The following KREMEN1 variants were observed in gnomAD, a reference collection of about 807,000 sequenced individuals.
KREMEN1 encodes kremen protein 1.
KREMEN1 carries 30 observed loss-of-function variants against 46.5 expected under a neutral mutation model. The ratio of observed to expected loss-of-function variants is 0.65; its 90% CI spans 0.48 to 0.88. KREMEN1 has a LOEUF of 0.88. KREMEN1 is among the 40% of genes least tolerant of loss of function. The pLI is 0.00. For synonymous variants in KREMEN1, 214 were observed against 230.6 expected, an observed-to-expected ratio of 0.93 and a Z score of 0.65; for missense variants, 533 against 596.9, an observed-to-expected ratio of 0.89 and a Z score of 1.11.
At chr22:29,095,303 C>T (rs1298713943) in intron 2 of KREMEN1, among the ~76,000 whole-genome samples, 2 of 152,210 alleles carry the variant, frequency 1.3e-5, no homozygotes, top group East Asian at 1.9e-4. Flanking sequence ...AACCTGACAT[C>T]TATGGTGCTT....
In KREMEN1 at chr22:29,137,546, G is replaced by A. The variant is rs771289868; in HGVS notation, c.836G>A (p.Arg279His). The change falls in exon 6 of 9, where the codon CGT (arginine) becomes CAT (histidine). Residue 279 changes from arginine to histidine, a missense_variant. Coordinates refer to ENST00000400335, the MANE Select transcript of KREMEN1 (RefSeq NM_001039570.3). The stretch of plus-strand genomic sequence containing the variant: ...GAGCTTCTGGATGGCTACACCCACC[G>A]TGTCCTAGCCCGCTTCCACGGGAGG... ...MVELLDGYTH[R>H]VLARFHGRSR... 5.0e-6 allele frequency: 8 copies of A among 1,613,428 alleles called. No homozygotes were observed. In the African/African-American group the frequency reaches 5.3e-5, roughly 11 times the overall value.
At chr22:29,131,078 T>C (rs1177427470) in intron 5 of KREMEN1, among the ~76,000 whole-genome samples, 1 of 152,152 alleles carries the variant, frequency 6.6e-6, no homozygotes, top group African/African-American at 2.4e-5. Context: ...ATGGTAAAAA[T>C]AGAATACCCA....
chr22:29,156,764 G>T (rs530218612), intron 9 of KREMEN1, among the ~76,000 whole-genome samples: 1 of 152,338 alleles, frequency 6.6e-6, no homozygotes, highest in Admixed American at 6.5e-5. Flanking sequence ...TGAGGGGCAG[G>T]CACTCGGTCA....
At chr22:29,129,820 C>G (rs545411239) in intron 5 of KREMEN1, among the ~76,000 whole-genome samples, 1 of 149,622 alleles carries the variant, frequency 6.7e-6, no homozygotes, top group East Asian at 1.9e-4. Flanking sequence ...TTTCAGCAAG[C>G]TCATGGACTT....
chr22:29,090,726 G>A (rs2037791867), intron 1 of KREMEN1, among the ~76,000 whole-genome samples: 2 of 152,188 alleles, frequency 1.3e-5, no homozygotes, highest in Non-Finnish European at 2.9e-5. Flanking sequence ...AAATCAAGAT[G>A]CGCTAGATGA....
chr22:29,136,423 AAGTT>A (rs2038658322), intron 5 of KREMEN1, among the ~76,000 whole-genome samples: 1 of 151,814 alleles, frequency 6.6e-6, no homozygotes, highest in African/African-American at 2.4e-5. Context: ...AATACAAAAA[AAGTT>A]AGCCAGCCTG....
At chr22:29,099,123 A>G (rs144773596) in intron 3 of KREMEN1, 170 bp downstream of exon 3, 19 of 581,228 alleles carry the variant, frequency 3.3e-5, no homozygotes, top group Non-Finnish European at 5.5e-5. Flanking sequence ...GAGGCTTTTC[A>G]GGAATAGGAA....
intron 5 of KREMEN1, among the ~76,000 whole-genome samples, chr22:29,127,807 A>G (rs865880506): frequency 1.9e-4 from 29 of 152,354 alleles, no homozygotes; most frequent in African/African-American, 5.8e-4. Flanking sequence ...AACATTATTC[A>G]TAATAGCCAA....
intron 1 of KREMEN1, among the ~76,000 whole-genome samples, chr22:29,077,023 C>T (rs985796472): frequency 1.3e-5 from 2 of 152,058 alleles, no homozygotes; most frequent in Non-Finnish European, 2.9e-5. Context: ...CATAGTTAGA[C>T]CAAAAGCAAT....
In KREMEN1 at chr22:29,131,652, A is replaced by G. The variant is rs893365712; in HGVS notation, c.632-5690A>G. Among the ~76,000 whole-genome samples the G allele has an allele frequency of 6.9e-5, 6 of 86,432 alleles. No homozygotes were observed. In the East Asian group the frequency reaches 7.9e-4, roughly 11 times the overall value. The allele number at this position is 86,432 out of a possible 152,430, so 56.7% of individuals were successfully genotyped here. On this transcript the variant is annotated intron_variant, in intron 5 of 8. Coordinates refer to ENST00000400335, the MANE Select transcript of KREMEN1 (RefSeq NM_001039570.3). ...TATGTATATATATGTGTGTATATATATGTATATATATACATGTATATATAT... is the reference window on the plus strand; with the variant it reads ...TATGTATATATATGTGTGTATATATGTGTATATATATACATGTATATATAT...
chr22:29,094,572 T>TACACACACACACACACACACAC (rs134658), intron 2 of KREMEN1, 152 bp downstream of exon 2: 6 of 253,940 alleles, frequency 2.4e-5, no homozygotes, highest in African/African-American at 1.6e-4. Flanking sequence ...TTTCACACCT[T>TACACACACACACACACACACAC]ACACACACAC....
Position 29,121,489 on chromosome 22 carries a change from C to A in KREMEN1, c.477+8C>A. ...CGGAGTCAGAGGTTCAAGGTGATGA[C>A]TCTGTGGCTGTGTAACTATAGAAAA... On this transcript the variant is annotated splice_region_variant and intron_variant, in intron 4 of 8. Transcript: ENST00000400335. 1 of 1,612,586 alleles carries A rather than the reference C, an allele frequency of 6.2e-7. No homozygotes were observed.
chr22:29,092,172 G>A (rs977164184), intron 1 of KREMEN1, among the ~76,000 whole-genome samples: 16 of 152,338 alleles, frequency 1.1e-4, no homozygotes, highest in African/African-American at 3.8e-4. Flanking sequence ...TGGCATCAAA[G>A]ATGGAGAGAA....
At chr22:29,125,029 AAC>A (rs1222358578) in intron 4 of KREMEN1, among the ~76,000 whole-genome samples, 2 of 152,182 alleles carry the variant, frequency 1.3e-5, no homozygotes, top group African/African-American at 4.8e-5. Context: ...GTGCAGTAGA[AAC>A]ACAAACATTA....
Position 29,125,339 on chromosome 22 carries a change from G to A in KREMEN1, c.554G>A (p.Ser185Asn), listed in dbSNP as rs2038424431. The A allele has an allele frequency of 6.2e-7, 1 of 1,614,090 alleles. No individual in the cohort carries two copies. The highest frequency in any genetic ancestry group is 1.7e-5 in the Admixed American group (1 of 59,990). The change falls in exon 5 of 9, where the codon AGT (serine) becomes AAT (asparagine). Residue 185 changes from serine (S) to asparagine (N), a missense_variant. By Grantham distance (46) the Ser-to-Asn change is conservative. Coordinates refer to ENST00000400335, the MANE Select transcript of KREMEN1 (RefSeq NM_001039570.3). ...TACTGGAAGTACGGGGAGGCAGCCA[G>A]TACCGAATGCAACAGCGTCTGCTTC... ...PDYWKYGEAA[S>N]TECNSVCFGD...
intron 3 of KREMEN1, among the ~76,000 whole-genome samples, chr22:29,103,215 A>G (rs570675195): frequency 6.6e-6 from 1 of 152,328 alleles, no homozygotes; most frequent in South Asian, 2.1e-4. Flanking sequence ...TCATACAGAA[A>G]AAGTCCTGTG....
At chr22:29,135,340 A>G (rs919594669) in intron 5 of KREMEN1, among the ~76,000 whole-genome samples, 4 of 152,196 alleles carry the variant, frequency 2.6e-5, no homozygotes, top group African/African-American at 9.7e-5. Flanking sequence ...TTTCTAGTCA[A>G]ATCAGGTCTA....
At position 29,159,992 on chromosome 22, in the gene KREMEN1, T is replaced by A. The variant is rs546838783; in HGVS notation, c.1417-7052T>A. Among the ~76,000 whole-genome samples, 3 of 152,260 alleles carry A rather than the reference T, an allele frequency of 2.0e-5. No homozygotes were observed. In the South Asian group the frequency reaches 6.2e-4, roughly 32 times the overall value. On this transcript the variant is annotated intron_variant, in intron 9 of 9. Coordinates refer to the KREMEN1 transcript ENST00000327813. ...CCCACTGACAGCATTAGACAGATCA[T>A]CAAGGCAGAAAACTACCAAAGAATT...
intron 4 of KREMEN1, among the ~76,000 whole-genome samples, chr22:29,122,970 A>G (rs1483628280): frequency 6.7e-6 from 1 of 148,942 alleles, no homozygotes; most frequent in Non-Finnish European, 1.5e-5. Flanking sequence ...AAAAAAAGAC[A>G]TACTGTTATA....
Sources: gnomAD v4.1 joint callset for allele counts (sites outside exome capture counted in the v4.1 genomes callset) on GRCh38, gnomAD v4.1.1 for gene constraint, MANE v1.5 for transcripts, NCBI Gene and HGNC (gene_info 2026-07-23, HGNC 2026-07-21) for gene names.